ANKFY1: variants seen among roughly 807,000 people sequenced by gnomAD.
ANKFY1 encodes the protein ankyrin repeat and FYVE domain-containing protein 1.
A neutral mutation model predicts 128.3 loss-of-function variants in ANKFY1; 47 were observed. The observed-to-expected ratio is 0.37, with a 90% confidence interval of 0.29 to 0.47. The LOEUF (loss-of-function observed/expected upper bound fraction) is 0.47. ANKFY1 is among the 20% of genes least tolerant of loss of function. The pLI, the probability that ANKFY1 is intolerant of heterozygous loss-of-function variation, is 1.00. For synonymous variants in ANKFY1, 553 were observed against 601.6 expected (o/e 0.92, Z 1.18); for missense variants, 1,222 against 1,510.6 (o/e 0.81, Z 3.17).
intron 1 of ANKFY1, among the ~76,000 whole-genome samples, chr17:4,256,224 C>G (rs1021677281): frequency 2.6e-4 from 39 of 151,928 alleles, no homozygotes; most frequent in African/African-American, 6.5e-4. Context: ...CTGAGGAGAT[C>G]GAGACCATCC....
intron 3 of ANKFY1, among the ~76,000 whole-genome samples, chr17:4,233,960 G>C (rs1293288372): frequency 6.6e-6 from 1 of 152,214 alleles, no homozygotes; most frequent in Non-Finnish European, 1.5e-5. Context: ...GTCAACAACA[G>C]ACTGCAGATA....
rs961809033 is a variant in ANKFY1 at position 4,164,819 on chromosome 17, G to C, written c.*2960C>G. On this transcript the variant is annotated 3_prime_UTR_variant, in exon 25 of 25. Coordinates refer to ENST00000341657, the MANE Select transcript of ANKFY1 (RefSeq NM_001330063.2). ...GAGATCCACACAGGGACCCATTCAG[G>C]GACAAGAGTGAGGACACAGAACGGG... The C allele has an allele frequency of 1.6e-3, 252 of 152,746 alleles. 1 individual carries two copies. The highest frequency in any genetic ancestry group is 5.8e-3 in the African/African-American group (239 of 41,560). 9.5% of individuals were successfully genotyped at this position (152,746 alleles called of 1,614,324 possible). A position where few individuals can be genotyped will look rare whatever the true frequency, so the allele number is the denominator to read the frequency against.
chr17:4,258,939 T>G (rs1460404226), intron 1 of ANKFY1, among the ~76,000 whole-genome samples: 1 of 152,118 alleles, frequency 6.6e-6, no homozygotes, highest in Non-Finnish European at 1.5e-5. Context: ...TACAAAAAAA[T>G]TACATTTTTT....
intron 3 of ANKFY1, among the ~76,000 whole-genome samples, chr17:4,228,268 T>C (rs2060458052): frequency 6.6e-6 from 1 of 152,226 alleles, no homozygotes; most frequent in African/African-American, 2.4e-5. Context: ...CTATGCTCTA[T>C]GATTGCACTT....
rs1158811922 is a variant in ANKFY1 at position 4,177,300 on chromosome 17, C to T, written c.2601G>A (p.Val867=). 2 of 1,584,348 alleles carry T rather than the reference C, an allele frequency of 1.3e-6. No individual in the cohort carries two copies. The highest frequency in any genetic ancestry group is 2.7e-5 in the African/African-American group (2 of 73,838). The change falls in exon 19 of 25, where the codon GTG becomes GTA. Residue 867 remains valine (V), a splice_region_variant and synonymous_variant. Transcript: ENST00000341657. The part of the protein sequence containing the change: ...LKRESGAAEQ[V]DNKGRNFLHV... ...GAAGGAAATTCCGGCCCTTGTTATC[C>T]ACCTACAGCAACAAGTGCAAAGCAA... is the stretch of plus-strand genomic sequence containing the variant.
In ANKFY1 at chr17:4,263,953, C is replaced by G. The variant is rs114673600; in HGVS notation, c.-12G>C. Reference sequence around the variant, plus strand: ...CTACCTTCCGCCATGTCTGGCCCGGCACTGCCTGCAACCTCGCGAGAAGTG... The same window carrying G: ...CTACCTTCCGCCATGTCTGGCCCGGGACTGCCTGCAACCTCGCGAGAAGTG... On this transcript the variant is annotated 5_prime_UTR_variant, in exon 1 of 25. Transcript: ENST00000341657. The G allele has an allele frequency of 1.4e-3, 2,263 of 1,614,008 alleles. 31 individuals are homozygous for G. In the African/African-American group the frequency reaches 0.026, roughly 19 times the overall value.
At chr17:4,183,747 C>T in intron 13 of ANKFY1, 65 bp downstream of exon 13, 2 of 1,518,940 alleles carry the variant, frequency 1.3e-6, no homozygotes, top group Non-Finnish European at 1.8e-6. Context: ...CTCCCTCTGT[C>T]CCACCCGGCC....
rs760460596 is a variant in ANKFY1 at position 4,194,960 on chromosome 17, G to A, written c.1372+18C>T. On this transcript the variant is annotated intron_variant, in intron 10 of 24. Coordinates refer to ENST00000341657, the MANE Select transcript of ANKFY1 (RefSeq NM_001330063.2). ...CTGCAGACCCCAGCGTCGCCCCTTC[G>A]GGAGGCACGTGCTTTACCTGTCGCC... 38 of 1,613,912 alleles carry A rather than the reference G, an allele frequency of 2.4e-5. No individual in the cohort carries two copies. The highest frequency in any genetic ancestry group is 2.2e-4 in the South Asian group (20 of 91,052).
chr17:4,179,224 C>A, intron 17 of ANKFY1, 167 bp from the exon 18 acceptor site: 1 of 725,160 alleles, frequency 1.4e-6, no homozygotes, highest in East Asian at 2.7e-5. Flanking sequence ...GACTAAATGT[C>A]ACTTCCTGTT....
chr17:4,187,057 T>G, intron 11 of ANKFY1: 1 of 1,210,162 alleles, frequency 8.3e-7, no homozygotes, highest in Non-Finnish European at 1.0e-6. Context: ...GTTCCACGGA[T>G]AAGTTCTTCG....
chr17:4,171,038 G>C (rs1187567145), intron 22 of ANKFY1, among the ~76,000 whole-genome samples, 177 bp from the exon 23 acceptor site: 1 of 152,212 alleles, frequency 6.6e-6, no homozygotes, highest in African/African-American at 2.4e-5. Flanking sequence ...ACAACCTGTA[G>C]CATCTTCCAA....
intron 3 of ANKFY1, among the ~76,000 whole-genome samples, chr17:4,224,612 AT>A (rs921693946): frequency 1.3e-5 from 2 of 152,024 alleles, no homozygotes; most frequent in African/African-American, 4.8e-5. Context: ...AGGAAAAAAA[AT>A]TTTTTTTAAT....
intron 1 of ANKFY1, 56 bp from the exon 2 acceptor site, chr17:4,242,504 T>C (rs1967297933): frequency 6.9e-7 from 1 of 1,446,986 alleles, no homozygotes; most frequent in African/African-American, 1.4e-5. Flanking sequence ...CAGGTGGCAT[T>C]CACTAATCCC....
intron 1 of ANKFY1, among the ~76,000 whole-genome samples, chr17:4,243,209 G>C (rs1967347896): frequency 6.6e-6 from 1 of 152,038 alleles, no homozygotes; most frequent in South Asian, 2.1e-4. Flanking sequence ...TGGGACTACA[G>C]GCACATGCCA....
chr17:4,205,718 G>A (rs2060010952), intron 7 of ANKFY1, among the ~76,000 whole-genome samples: 1 of 149,034 alleles, frequency 6.7e-6, no homozygotes. Flanking sequence ...CTCCAGCCTG[G>A]GCGACAGAAC....
chr17:4,219,962 A>G (rs190170417), intron 3 of ANKFY1, among the ~76,000 whole-genome samples: 485 of 152,120 alleles, frequency 3.2e-3, no homozygotes, highest in Non-Finnish European at 6.0e-3. Flanking sequence ...AGCTGGGATT[A>G]CATGTGCCTG....
At chr17:4,195,353 C>A (rs2059798126) in intron 9 of ANKFY1, 50 bp downstream of exon 9, 1 of 1,570,498 alleles carries the variant, frequency 6.4e-7, no homozygotes, top group Non-Finnish European at 8.7e-7. Flanking sequence ...TTTTCACTCA[C>A]AATCCCCCCT....
chr17:4,183,760 A>C, intron 13 of ANKFY1, 52 bp downstream of exon 13: 1 of 1,549,812 alleles, frequency 6.5e-7, no homozygotes, highest in Non-Finnish European at 8.9e-7. Flanking sequence ...ACCCGGCCCC[A>C]CTTCGGACAG....
intron 3 of ANKFY1, among the ~76,000 whole-genome samples, chr17:4,226,851 A>G (rs2060435021): frequency 6.6e-6 from 1 of 152,124 alleles, no homozygotes; most frequent in African/African-American, 2.4e-5. Flanking sequence ...ACTTCTATAG[A>G]CTTATCAAGA....
Sources: gnomAD v4.1 joint callset for allele counts (sites outside exome capture counted in the v4.1 genomes callset) on GRCh38, gnomAD v4.1.1 for gene constraint, MANE v1.5 for transcripts, NCBI Gene and HGNC (gene_info 2026-07-23, HGNC 2026-07-21) for gene names.